EDARADD: variants seen among roughly 807,000 people sequenced by gnomAD.
EDARADD encodes EDAR associated via death domain, also known as ectodysplasin-A receptor-associated adapter protein.
A neutral mutation model predicts 25.6 loss-of-function variants in EDARADD; 20 were observed. The observed-to-expected ratio is 0.78, with a 90% CI of 0.55 to 1.14. EDARADD has a LOEUF of 1.14. Ranked by LOEUF, EDARADD falls within the 50% of genes most tolerant of loss-of-function variation. EDARADD has a pLI of 0.00. For synonymous variants in EDARADD, 86 were observed against 94.4 expected, an observed-to-expected ratio of 0.91 and a Z score of 0.52; for missense variants, 225 against 270.1, an observed-to-expected ratio of 0.83 and a Z score of 1.17.
At chr1:236,364,136 A>T (rs1242885283) in intron 3 of EDARADD, among the ~76,000 whole-genome samples, 1 of 152,150 alleles carries the variant, frequency 6.6e-6, no homozygotes, top group African/African-American at 2.4e-5. Flanking sequence ...AAAAATAAAA[A>T]ATAAAAAAAT....
intron 4 of EDARADD, among the ~76,000 whole-genome samples, chr1:236,456,878 C>A (rs1658883861): frequency 6.6e-6 from 1 of 152,088 alleles, no homozygotes; most frequent in Non-Finnish European, 1.5e-5. Flanking sequence ...CCTGGTCAAG[C>A]ATTTTGGTGA....
chr1:236,366,854 A>G (rs1667116987), intron 3 of EDARADD, among the ~76,000 whole-genome samples: 1 of 151,736 alleles, frequency 6.6e-6, no homozygotes, highest in Non-Finnish European at 1.5e-5. Context: ...AGGTGGGCGG[A>G]TCACCTGAGG....
At chr1:236,472,447 T>C (rs1464355756) in intron 5 of EDARADD, among the ~76,000 whole-genome samples, 3 of 152,146 alleles carry the variant, frequency 2.0e-5, no homozygotes, top group Non-Finnish European at 4.4e-5. Flanking sequence ...CAGGGTTTTG[T>C]AAATTTCCCT....
intron 2 of EDARADD, among the ~76,000 whole-genome samples, chr1:236,412,584 C>T (rs1359746333): frequency 6.6e-6 from 1 of 152,078 alleles, no homozygotes; most frequent in African/African-American, 2.4e-5. Context: ...AGTTCTATAC[C>T]CTCCGCTCTT....
At chr1:236,424,752 C>G (rs1657869086) in intron 3 of EDARADD, among the ~76,000 whole-genome samples, 1 of 152,154 alleles carries the variant, frequency 6.6e-6, no homozygotes, top group African/African-American at 2.4e-5. Context: ...AGGATCTTTG[C>G]TGCAACAGGG....
chr1:236,464,991 T>C (rs766960443), intron 4 of EDARADD, among the ~76,000 whole-genome samples: 10 of 152,144 alleles, frequency 6.6e-5, no homozygotes, highest in African/African-American at 9.7e-5. Flanking sequence ...CTCAAGCTTG[T>C]TGTGTGTGAG....
At chr1:236,409,723 G>A (rs1657387103) in intron 2 of EDARADD, among the ~76,000 whole-genome samples, 1 of 150,446 alleles carries the variant, frequency 6.6e-6, no homozygotes, top group South Asian at 2.1e-4. Flanking sequence ...CACCATGCCT[G>A]GCTAATTTTT....
At chr1:236,430,102 T>A (rs1167540350) in intron 4 of EDARADD, among the ~76,000 whole-genome samples, 1 of 152,348 alleles carries the variant, frequency 6.6e-6, no homozygotes, top group African/African-American at 2.4e-5. Context: ...GCAGTTTAAA[T>A]TAAAACACAT....
intron 3 of EDARADD, among the ~76,000 whole-genome samples, chr1:236,379,356 C>T (rs575667389): frequency 7.4e-4 from 111 of 150,932 alleles, no homozygotes; most frequent in African/African-American, 2.7e-3. Context: ...GCTGCCAGAG[C>T]GAGACTCCAT....
chr1:236,368,826 T>C (rs1667142535), intron 3 of EDARADD, among the ~76,000 whole-genome samples: 1 of 152,234 alleles, frequency 6.6e-6, no homozygotes. Flanking sequence ...TATATTTCTA[T>C]TTCTTTTAAG....
At chr1:236,363,005 AAAT>A (rs1489691001) in intron 3 of EDARADD, among the ~76,000 whole-genome samples, 2 of 87,614 alleles carry the variant, frequency 2.3e-5, no homozygotes, top group African/African-American at 9.0e-5. Flanking sequence ...AAAAAAAAAA[AAAT>A]ATATATATAT....
chr1:236,474,093 T>C (rs1659433107), intron 5 of EDARADD, among the ~76,000 whole-genome samples: 1 of 152,116 alleles, frequency 6.6e-6, no homozygotes, highest in Non-Finnish European at 1.5e-5. Flanking sequence ...CCCTGAAACG[T>C]CAAGCCTTGA....
At chr1:236,359,113 A>G (rs1006733952) in intron 3 of EDARADD, among the ~76,000 whole-genome samples, 3 of 150,268 alleles carry the variant, frequency 2.0e-5, no homozygotes, top group African/African-American at 7.6e-5. Context: ...CTTGATCTTC[A>G]AATTCTCCAC....
At chr1:236,417,470 ATC>A (rs1657669181) in intron 3 of EDARADD, among the ~76,000 whole-genome samples, 1 of 152,198 alleles carries the variant, frequency 6.6e-6, no homozygotes, top group Non-Finnish European at 1.5e-5. Flanking sequence ...ATTTGTCAGC[ATC>A]TGTTTTTGAG....
At chr1:236,391,574 A>G (rs927486489), upstream of EDARADD, among the ~76,000 whole-genome samples, 7 of 152,164 alleles carry the variant, frequency 4.6e-5, no homozygotes, top group African/African-American at 1.4e-4. Context: ...GATCAGTCCC[A>G]CTTGAGCAGC....
intron 4 of EDARADD, among the ~76,000 whole-genome samples, chr1:236,428,664 G>A (rs79881482): frequency 0.39 from 49,161 of 125,714 alleles, 12,454 homozygotes; most frequent in Non-Finnish European, 0.55. Context: ...GATGGCGGCC[G>A]GGAAGAGGCG....
chr1:236,473,951 T>A (rs765888217), intron 5 of EDARADD, among the ~76,000 whole-genome samples: 7 of 152,106 alleles, frequency 4.6e-5, no homozygotes, highest in African/African-American at 7.2e-5. Context: ...ACCTAACATC[T>A]TTAAAGAACA....
chr1:236,466,089 G>T (rs1659177485), intron 4 of EDARADD, among the ~76,000 whole-genome samples: 1 of 152,096 alleles, frequency 6.6e-6, no homozygotes, highest in Non-Finnish European at 1.5e-5. Flanking sequence ...CACAAAATCT[G>T]TCAAGTTCTA....
intron 5 of EDARADD, among the ~76,000 whole-genome samples, chr1:236,478,139 T>C (rs1220788984): frequency 2.0e-5 from 3 of 151,986 alleles, no homozygotes; most frequent in African/African-American, 7.2e-5. Flanking sequence ...AAATCCGTAC[T>C]GTAAACTGGT....
Sources: allele counts gnomAD v4.1 joint callset (sites outside exome capture counted in the v4.1 genomes callset), GRCh38; gene constraint gnomAD v4.1.1; transcripts MANE v1.5; gene names NCBI Gene and HGNC (gene_info 2026-07-23, HGNC 2026-07-21).